EPHX4: variants seen among roughly 807,000 people sequenced by gnomAD.
The protein encoded by EPHX4 is epoxide hydrolase 4.
A neutral mutation model predicts 44.9 loss-of-function variants in EPHX4; 31 were observed. The observed-to-expected ratio is 0.69, with a 90% CI of 0.52 to 0.93. EPHX4 has a LOEUF of 0.93. Among genes scored for constraint, EPHX4 ranks in the 40% least tolerant of loss-of-function variants. The pLI is 0.00. For synonymous variants in EPHX4, 151 were observed against 159.7 expected (o/e 0.95, Z 0.41); for missense variants, 373 against 438.1 (o/e 0.85, Z 1.33).
intron 2 of EPHX4, among the ~76,000 whole-genome samples, chr1:92,037,841 C>T (rs1297215592): frequency 2.0e-5 from 3 of 152,152 alleles, no homozygotes; most frequent in Non-Finnish European, 4.4e-5. Context: ...AATAGTTTTG[C>T]TTATTTATAA....
At chr1:92,038,871 C>T (rs150013485) in intron 2 of EPHX4, among the ~76,000 whole-genome samples, 1 of 152,288 alleles carries the variant, frequency 6.6e-6, no homozygotes, top group African/African-American at 2.4e-5. Flanking sequence ...ACTCTGGGGC[C>T]AGACTCCCTG....
intron 6 of EPHX4, among the ~76,000 whole-genome samples, chr1:92,062,638 A>G (rs568299318): frequency 7.3e-5 from 11 of 151,580 alleles, no homozygotes; most frequent in African/African-American, 1.9e-4. Context: ...ATAGTGATGA[A>G]TTTCCTATTT....
intron 2 of EPHX4, among the ~76,000 whole-genome samples, chr1:92,036,254 T>C (rs913351293): frequency 2.6e-5 from 4 of 152,192 alleles, no homozygotes; most frequent in African/African-American, 9.6e-5. Flanking sequence ...TACACAAAGA[T>C]AAAAATGAAC....
At chr1:92,030,349 C>A in intron 1 of EPHX4, 39 bp downstream of exon 1, 2 of 1,446,664 alleles carry the variant, frequency 1.4e-6, no homozygotes, top group Non-Finnish European at 1.8e-6. Context: ...CGGGAGGGAG[C>A]GTGACCGCCG....
At chr1:92,062,994 T>C in intron 6 of EPHX4, 61 bp from the exon 7 acceptor site, 3 of 1,443,878 alleles carry the variant, frequency 2.1e-6, no homozygotes, top group Non-Finnish European at 2.9e-6. Context: ...TGGGGCACTA[T>C]AGGAAAATGT....
At chr1:92,049,941 T>A (rs902528264) in intron 4 of EPHX4, among the ~76,000 whole-genome samples, 6 of 151,606 alleles carry the variant, frequency 4.0e-5, no homozygotes, top group African/African-American at 1.2e-4. Flanking sequence ...CTACTAAAAA[T>A]ACAAAAAATT....
chr1:92,032,364 G>C (rs974998995), intron 1 of EPHX4, 141 bp from the exon 2 acceptor site: 7 of 618,468 alleles, frequency 1.1e-5, no homozygotes, highest in Admixed American at 9.0e-5. Flanking sequence ...TAAGGCAACT[G>C]AGTGTCATGA....
intron 2 of EPHX4, among the ~76,000 whole-genome samples, chr1:92,034,513 C>G (rs1688408664): frequency 6.6e-6 from 1 of 152,068 alleles, no homozygotes; most frequent in Admixed American, 6.5e-5. Context: ...TTCTCCCTTA[C>G]TATCTTATAA....
intron 3 of EPHX4, 95 bp from the exon 4 acceptor site, chr1:92,045,437 A>G (rs1688569998): frequency 6.9e-7 from 1 of 1,454,080 alleles, no homozygotes; most frequent in East Asian, 2.3e-5. Flanking sequence ...AGATAATGAA[A>G]AGAGGTACTT....
intron 1 of EPHX4, among the ~76,000 whole-genome samples, chr1:92,032,235 G>C (rs767487406): frequency 6.6e-6 from 1 of 152,128 alleles, no homozygotes; most frequent in Non-Finnish European, 1.5e-5. Flanking sequence ...AAGAAGAGAA[G>C]GTACTGTCAA....
At chr1:92,061,366 G>A (rs1647490915) in intron 6 of EPHX4, among the ~76,000 whole-genome samples, 1 of 152,084 alleles carries the variant, frequency 6.6e-6, no homozygotes, top group Non-Finnish European at 1.5e-5. Flanking sequence ...CACAAATCAG[G>A]CTTTTTTATT....
Position 92,030,299 on chromosome 1 carries a change from G to A in EPHX4, c.220G>A (p.Val74Met), listed in dbSNP as rs1688339055. Residue 74 changes from valine to methionine, a missense_variant, in exon 1 of 7, where the codon GTG becomes ATG. By Grantham distance (21) the Val-to-Met change is conservative. Coordinates refer to ENST00000370383, the MANE Select transcript of EPHX4 (RefSeq NM_173567.5). Reference sequence around the variant, plus strand: ...CCCCTCCTTGGGCACCCACTGCTACGTGCGGATCAAGGTGAAGGGCCGCGC... The same window carrying A: ...CCCCTCCTTGGGCACCCACTGCTACATGCGGATCAAGGTGAAGGGCCGCGC... ...SDPSLGTHCY[V>M]RIKDSGLRFH... 1.9e-6 allele frequency: 3 copies of A among 1,575,504 alleles called. No homozygotes were observed. The highest frequency in any genetic ancestry group is 1.4e-5 in the African/African-American group (1 of 73,236).
chr1:92,034,789 G>A lies in EPHX4; in HGVS notation c.317+2199G>A, dbSNP rs529360020. ...CCCAAGTAGCTGGGATTACAAGTGC[G>A]CACCACACCCAGCTAATTTTTGAAG... On this transcript the variant is annotated intron_variant, in intron 2 of 6. Coordinates refer to ENST00000370383, the MANE Select transcript of EPHX4 (RefSeq NM_173567.5). 1.8e-3 allele frequency among the ~76,000 whole-genome samples: 266 copies of A among 151,814 alleles called. 1 individual carries two copies. Among genetic ancestry groups the A allele is most frequent in the Non-Finnish European group, 3.3e-3 (222 of 67,950 alleles).
chr1:92,039,204 A>C (rs1444049274), intron 2 of EPHX4, among the ~76,000 whole-genome samples: 1 of 152,174 alleles, frequency 6.6e-6, no homozygotes. Flanking sequence ...TGTTATGGGT[A>C]ATAGGGAGTC....
At chr1:92,043,068 C>A in intron 3 of EPHX4, 88 bp downstream of exon 3, 1 of 1,058,700 alleles carries the variant, frequency 9.4e-7, no homozygotes, top group Non-Finnish European at 1.3e-6. Flanking sequence ...TGGGAGGATG[C>A]ATATTCCATC....
chr1:92,037,742 G>A (rs1688460966), intron 2 of EPHX4, among the ~76,000 whole-genome samples: 1 of 152,210 alleles, frequency 6.6e-6, no homozygotes, highest in Non-Finnish European at 1.5e-5. Flanking sequence ...CCTAGGTGAA[G>A]AGCAATCACG....
At chr1:92,052,827 A>G (rs886421054) in intron 6 of EPHX4, among the ~76,000 whole-genome samples, 169 bp downstream of exon 6, 1 of 152,224 alleles carries the variant, frequency 6.6e-6, no homozygotes, top group Non-Finnish European at 1.5e-5. Context: ...AAACATATGG[A>G]AAAGTAGACA....
chr1:92,030,028 G>C lies in EPHX4; in HGVS notation c.-52G>C. ...GCGGGCTGGCCTGGCGCGCTGCGGC[G>C]CTCGCTCACCCGCTCCCGAGGAAGG... On this transcript the variant is annotated 5_prime_UTR_variant, in exon 1 of 7. Transcript: ENST00000370383. The C allele has an allele frequency of 7.4e-7, 1 of 1,360,014 alleles. No individual in the cohort carries two copies. Among genetic ancestry groups the C allele is most frequent in the Non-Finnish European group, 9.6e-7 (1 of 1,039,394 alleles). 84.2% of individuals were successfully genotyped at this position (1,360,014 alleles called of 1,614,324 possible). A position where few individuals can be genotyped will look rare whatever the true frequency, so the allele number is the denominator to read the frequency against.
chr1:92,036,789 G>A (rs570101280), intron 2 of EPHX4, among the ~76,000 whole-genome samples: 1 of 152,282 alleles, frequency 6.6e-6, no homozygotes, highest in African/African-American at 2.4e-5. Flanking sequence ...TGTTTAGGGA[G>A]CATCTGAAAA....
Sources: allele counts gnomAD v4.1 joint callset (sites outside exome capture counted in the v4.1 genomes callset), GRCh38; gene constraint gnomAD v4.1.1; transcripts MANE v1.5; gene names NCBI Gene and HGNC (gene_info 2026-07-23, HGNC 2026-07-21).